TMEM123: variants seen among roughly 807,000 people sequenced by gnomAD.
TMEM123 encodes transmembrane protein 123.
TMEM123 carries 16 observed loss-of-function variants against 19.7 expected under a neutral mutation model. That is an observed-to-expected ratio of 0.81 (90% confidence interval 0.55 to 1.23). The LOEUF (loss-of-function observed/expected upper bound fraction) is 1.23, where lower values mean the gene tolerates loss of function less well. Among genes scored for constraint, TMEM123 ranks in the 50% most tolerant of loss-of-function variants. TMEM123 has a pLI of 0.00. For missense variants in TMEM123, 313 were observed against 257.8 expected, an observed-to-expected ratio of 1.21 and a Z score of -1.47; for synonymous variants, 118 against 99.4, an observed-to-expected ratio of 1.19 and a Z score of -1.12.
At chr11:102,423,216 G>A (rs544784231) in intron 2 of TMEM123, among the ~76,000 whole-genome samples, 1 of 152,332 alleles carries the variant, frequency 6.6e-6, no homozygotes, top group East Asian at 1.9e-4. Flanking sequence ...ACATACTGTG[G>A]TGGTTTTAAA....
intron 1 of TMEM123, chr11:102,449,146 C>T: frequency 3.1e-6 from 1 of 320,072 alleles, no homozygotes; most frequent in Non-Finnish European, 6.1e-6. Context: ...AACAGCTTTG[C>T]CAAAATTCAT....
intron 2 of TMEM123, among the ~76,000 whole-genome samples, chr11:102,438,509 G>C (rs945093569): frequency 2.0e-5 from 3 of 152,142 alleles, no homozygotes; most frequent in African/African-American, 4.8e-5. Context: ...TAACGGAGTG[G>C]GCAGTCCAAA....
rs1857958407 is a variant in TMEM123 at position 102,452,712 on chromosome 11, T to C, written c.-89A>G. ...GCTCCTCTGCGCAGCCGGCGCCGGC[T>C]CCGCTTCCCCTTCGGCCGCGCACGT... On this transcript the variant is annotated 5_prime_UTR_variant, in exon 1 of 5. Coordinates refer to ENST00000398136, the MANE Select transcript of TMEM123 (RefSeq NM_052932.3). The C allele has an allele frequency of 4.7e-6, 5 of 1,053,624 alleles. No individual in the cohort carries two copies. The highest frequency in any genetic ancestry group is 3.3e-5 in the African/African-American group (2 of 60,226). 65.3% of individuals were successfully genotyped at this position (1,053,624 alleles called of 1,614,324 possible). A position where few individuals can be genotyped will look rare whatever the true frequency, so the allele number is the denominator to read the frequency against.
At chr11:102,432,487 G>A (rs556512081) in intron 2 of TMEM123, among the ~76,000 whole-genome samples, 47 of 152,296 alleles carry the variant, frequency 3.1e-4, no homozygotes, top group Middle Eastern at 3.4e-3. Flanking sequence ...CACGATTTAG[G>A]GTACCTGGCA....
chr11:102,408,689 C>G (rs915680389), intron 2 of TMEM123, among the ~76,000 whole-genome samples: 7 of 152,190 alleles, frequency 4.6e-5, no homozygotes, highest in African/African-American at 1.7e-4. Flanking sequence ...CTGTACAATT[C>G]CCTATGGGAG....
chr11:102,401,237 A>G (rs1951909706), intron 4 of TMEM123, among the ~76,000 whole-genome samples: 1 of 152,184 alleles, frequency 6.6e-6, no homozygotes, highest in South Asian at 2.1e-4. Flanking sequence ...GGTATTTCTT[A>G]CGATTATTGG....
chr11:102,422,163 C>G (rs1952092545), intron 2 of TMEM123, among the ~76,000 whole-genome samples: 1 of 152,210 alleles, frequency 6.6e-6, no homozygotes, highest in Non-Finnish European at 1.5e-5. Context: ...CACTTCATCA[C>G]TAATGTTGAT....
chr11:102,421,857 T>C (rs951075657), intron 2 of TMEM123, among the ~76,000 whole-genome samples: 4 of 152,164 alleles, frequency 2.6e-5, no homozygotes, highest in African/African-American at 9.7e-5. Context: ...GCATGATCTG[T>C]AGAACATCAA....
intron 2 of TMEM123, among the ~76,000 whole-genome samples, chr11:102,438,164 T>C (rs1200641800): frequency 6.6e-6 from 1 of 152,190 alleles, no homozygotes; most frequent in African/African-American, 2.4e-5. Context: ...TGCATTCTCC[T>C]GCCTCAGCCT....
Position 102,401,546 on chromosome 11 carries a change from G to A in TMEM123, c.595C>T (p.Arg199Ter), listed in dbSNP as rs12275185. 3 of 1,577,234 alleles carry A rather than the reference G, an allele frequency of 1.9e-6. No individual in the cohort carries two copies. The highest frequency in any genetic ancestry group is 1.2e-5 in the South Asian group (1 of 84,240). Residue 199 changes from arginine (R) to a stop codon, truncating the protein, a stop_gained, in exon 4 of 5, where the codon CGA (arginine) becomes TGA (stop). Coordinates refer to ENST00000398136, the MANE Select transcript of TMEM123 (RefSeq NM_052932.3). LOFTEE classifies it high-confidence loss of function. Reference sequence around the variant, plus strand: ...TGGCCATTCAAAACTTACATGGTTCGATACCGAATGCCTCTTCTTGAGTAA... The same window carrying A: ...TGGCCATTCAAAACTTACATGGTTCAATACCGAATGCCTCTTCTTGAGTAA... ...MYYSRRGIRY[R>*]TIDEHDAII is the part of the protein sequence containing the mutation.
chr11:102,437,598 T>G (rs561331858), intron 2 of TMEM123, among the ~76,000 whole-genome samples: 1 of 152,300 alleles, frequency 6.6e-6, no homozygotes, highest in South Asian at 2.1e-4. Flanking sequence ...ACTTTAAGAA[T>G]GGAGGCATAC....
In TMEM123 at chr11:102,398,610, T is replaced by C. The variant is rs1023037161; in HGVS notation, c.*257A>G. ...CCCACCCCAGCCAAAAAAAAAAAGATAGGACTTGTTTGTCTTACTATGAAC... is the reference window on the plus strand; with the variant it reads ...CCCACCCCAGCCAAAAAAAAAAAGACAGGACTTGTTTGTCTTACTATGAAC... On this transcript the variant is annotated 3_prime_UTR_variant, in exon 5 of 5. Coordinates refer to ENST00000398136, the MANE Select transcript of TMEM123 (RefSeq NM_052932.3). 1.8e-5 allele frequency: 9 copies of C among 497,396 alleles called. No homozygotes were observed. The highest frequency in any genetic ancestry group is 1.2e-4 in the African/African-American group (6 of 49,224). The allele number at this position is 497,396 out of a possible 1,614,324, so 30.8% of individuals were successfully genotyped here. A position where few individuals can be genotyped will look rare whatever the true frequency, so the allele number is the denominator to read the frequency against.
In TMEM123 at chr11:102,426,864, C is replaced by T. The variant is rs1240661627; in HGVS notation, c.157+21948G>A. On this transcript the variant is annotated intron_variant, in intron 2 of 4. Transcript: ENST00000398136. ...CTTAATGTTTTTAAAGTAGTTCCCC[C>T]CCCCCCCCCATTTATTGCTCAAAAT... Among the ~76,000 whole-genome samples the T allele has an allele frequency of 5.2e-5, 3 of 57,760 alleles. 1 individual carries two copies. Among genetic ancestry groups the T allele is most frequent in the African/African-American group, 1.9e-4 (3 of 16,090 alleles). The allele number at this position is 57,760 out of a possible 152,430, so 37.9% of individuals were successfully genotyped here.
chr11:102,413,860 G>C (rs1952024264), intron 2 of TMEM123, among the ~76,000 whole-genome samples: 1 of 152,156 alleles, frequency 6.6e-6, no homozygotes, highest in Non-Finnish European at 1.5e-5. Context: ...TTCTTAATGA[G>C]ACTGAAATGG....
Position 102,439,938 on chromosome 11 carries a change from A to G in TMEM123, c.157+8874T>C, listed in dbSNP as rs908476021. ...CTTCAGTAGCTGATTCAACTAGAAGAAAGTGTATCAGTGATTGAAGATCAA... is the reference window on the plus strand; with the variant it reads ...CTTCAGTAGCTGATTCAACTAGAAGGAAGTGTATCAGTGATTGAAGATCAA... On this transcript the variant is annotated intron_variant, in intron 2 of 4. Transcript: ENST00000398136. Among the ~76,000 whole-genome samples the G allele has an allele frequency of 2.4e-4, 36 of 152,250 alleles. 1 individual carries two copies. Among genetic ancestry groups the G allele is most frequent in the African/African-American group, 8.7e-4 (36 of 41,468 alleles).
rs1951867567 is a variant in TMEM123 at position 102,397,535 on chromosome 11, A to G, written c.*1332T>C. 1 of 152,194 alleles carries G rather than the reference A, an allele frequency of 6.6e-6. No homozygotes were observed. Among genetic ancestry groups the G allele is most frequent in the Non-Finnish European group, 1.5e-5 (1 of 68,022 alleles). 9.4% of individuals were successfully genotyped at this position (152,194 alleles called of 1,614,324 possible). A position where few individuals can be genotyped will look rare whatever the true frequency, so the allele number is the denominator to read the frequency against. ...ATTAGCTAATATTGGTGTCTCTACA[A>G]TACTGTGCTTTTTCTCTCCATTAAC... On this transcript the variant is annotated 3_prime_UTR_variant, in exon 5 of 5. Transcript: ENST00000398136.
intron 2 of TMEM123, among the ~76,000 whole-genome samples, chr11:102,435,069 G>C (rs1857749454): frequency 6.6e-6 from 1 of 151,930 alleles, no homozygotes; most frequent in Non-Finnish European, 1.5e-5. Context: ...GCTGGGCACA[G>C]TGGCTCACAC....
intron 2 of TMEM123, among the ~76,000 whole-genome samples, chr11:102,444,766 A>T (rs1857864446): frequency 6.6e-6 from 1 of 152,064 alleles, no homozygotes; most frequent in East Asian, 1.9e-4. Context: ...CTTGGAACCA[A>T]CCCAAATGTC....
At chr11:102,413,614 A>G (rs1006562845) in intron 2 of TMEM123, among the ~76,000 whole-genome samples, 1 of 152,226 alleles carries the variant, frequency 6.6e-6, no homozygotes, top group Non-Finnish European at 1.5e-5. Flanking sequence ...ACAGCCCCGG[A>G]GTGCTGAGCT....
Sources: gnomAD v4.1 joint callset for allele counts (sites outside exome capture counted in the v4.1 genomes callset) on GRCh38, gnomAD v4.1.1 for gene constraint, MANE v1.5 for transcripts, NCBI Gene and HGNC (gene_info 2026-07-23, HGNC 2026-07-21) for gene names.